The following TSGA10 variants were observed in gnomAD, a reference collection of about 807,000 sequenced individuals.
TSGA10 encodes testis specific 10.
Under a neutral mutation model 96.6 loss-of-function variants are expected in TSGA10, and 43 were observed. The observed-to-expected ratio is 0.44, with a 90% CI of 0.35 to 0.57. The LOEUF is 0.57. TSGA10 is among the 20% of genes least tolerant of loss of function. The pLI is 0.01. For missense variants in TSGA10, 703 were observed against 834.4 expected, an observed-to-expected ratio of 0.84 and a Z score of 1.94; for synonymous variants, 229 against 269.9, an observed-to-expected ratio of 0.85 and a Z score of 1.48.
intron 16 of TSGA10, among the ~76,000 whole-genome samples, chr2:99,052,984 C>A (rs1177410249): frequency 1.3e-5 from 2 of 151,814 alleles, no homozygotes; most frequent in African/African-American, 4.8e-5. Flanking sequence ...ATAGTTTGAG[C>A]CCGAGAGACA....
intron 17 of TSGA10, among the ~76,000 whole-genome samples, chr2:99,021,441 A>T (rs557873601): frequency 6.6e-6 from 1 of 152,332 alleles, no homozygotes; most frequent in African/African-American, 2.4e-5. Flanking sequence ...CTGATGAGAA[A>T]TATGAGCTAA....
intron 10 of TSGA10, among the ~76,000 whole-genome samples, chr2:99,088,344 C>T (rs1380422120): frequency 6.6e-6 from 1 of 152,114 alleles, no homozygotes; most frequent in Non-Finnish European, 1.5e-5. Flanking sequence ...TGTTGTTAAT[C>T]TCTTACTGCA....
intron 12 of TSGA10, among the ~76,000 whole-genome samples, chr2:99,075,130 T>G (rs2104545439): frequency 6.6e-6 from 1 of 152,290 alleles, no homozygotes; most frequent in East Asian, 1.9e-4. Context: ...CTTAGCCTAT[T>G]TTTCTCTTAA....
chr2:99,048,335 A>G (rs763810843), intron 16 of TSGA10, among the ~76,000 whole-genome samples: 2 of 152,216 alleles, frequency 1.3e-5, no homozygotes, highest in Non-Finnish European at 2.9e-5. Flanking sequence ...CCACAAGGCT[A>G]CAGTAACCAA....
chr2:99,056,248 C>A (rs1470921376), intron 16 of TSGA10, among the ~76,000 whole-genome samples: 1 of 151,668 alleles, frequency 6.6e-6, no homozygotes, highest in East Asian at 1.9e-4. Flanking sequence ...ACCAAGTAAC[C>A]AAGTTAGTTT....
intron 17 of TSGA10, among the ~76,000 whole-genome samples, chr2:99,026,737 T>C (rs1211187143): frequency 2.0e-5 from 3 of 152,176 alleles, no homozygotes; most frequent in African/African-American, 7.2e-5. Flanking sequence ...GCAGCTCTTT[T>C]AAATATGTTC....
At chr2:99,058,720 G>T (rs2084285032) in intron 16 of TSGA10, among the ~76,000 whole-genome samples, 1 of 152,056 alleles carries the variant, frequency 6.6e-6, no homozygotes, top group South Asian at 2.1e-4. Context: ...TAGCGAAACA[G>T]AAATTACCAA....
At chr2:99,032,629 T>C (rs991912465) in intron 17 of TSGA10, among the ~76,000 whole-genome samples, 4 of 152,220 alleles carry the variant, frequency 2.6e-5, no homozygotes, top group African/African-American at 9.6e-5. Flanking sequence ...GTGTCTCCAC[T>C]GAGAGCATCA....
chr2:99,097,875 A>G (rs1251463172), intron 10 of TSGA10, among the ~76,000 whole-genome samples: 2 of 152,230 alleles, frequency 1.3e-5, no homozygotes, highest in Non-Finnish European at 2.9e-5. Flanking sequence ...TTTCATGAAA[A>G]TGAATACTGA....
intron 7 of TSGA10, 126 bp downstream of exon 7, chr2:99,108,707 T>C (rs1163757075): frequency 1.6e-6 from 1 of 633,130 alleles, no homozygotes; most frequent in Non-Finnish European, 2.5e-6. Context: ...TAAAAACATA[T>C]GTAATCCCCA....
At chr2:99,084,485 C>A (rs2087997443) in intron 10 of TSGA10, among the ~76,000 whole-genome samples, 1 of 152,152 alleles carries the variant, frequency 6.6e-6, no homozygotes, top group South Asian at 2.1e-4. Context: ...ACTGGCTCCC[C>A]CTTTGCTTTC....
chr2:99,102,725 T>C (rs2090913039), intron 10 of TSGA10: 3 of 1,609,794 alleles, frequency 1.9e-6, no homozygotes, highest in Non-Finnish European at 2.5e-6. Context: ...CCAAAGACTT[T>C]GTAGAAGATG....
intron 1 of TSGA10, chr2:99,151,326 G>C (rs982118906): frequency 6.6e-5 from 10 of 152,580 alleles, no homozygotes; most frequent in African/African-American, 1.9e-4. Flanking sequence ...AGCCAGGCAT[G>C]GTGGTGGGCA....
chr2:99,039,029 C>T (rs759081821), intron 16 of TSGA10, among the ~76,000 whole-genome samples: 4 of 152,074 alleles, frequency 2.6e-5, no homozygotes, highest in Non-Finnish European at 1.5e-5. Flanking sequence ...ATAATCTGCT[C>T]TTGAATGATC....
intron 1 of TSGA10, 24 bp from the exon 2 acceptor site, chr2:99,127,200 T>C (rs1310050821): frequency 1.6e-6 from 2 of 1,257,708 alleles, no homozygotes; most frequent in Admixed American, 5.5e-5. Flanking sequence ...TGGGAAATAA[T>C]ACAGAGGCAT....
intron 10 of TSGA10, among the ~76,000 whole-genome samples, chr2:99,088,827 T>C (rs2088901326): frequency 1.3e-5 from 2 of 152,232 alleles, no homozygotes; most frequent in South Asian, 4.1e-4. Context: ...ATGTGGTTTA[T>C]CTATACTATG....
At chr2:99,050,634 G>A (rs756611532) in intron 16 of TSGA10, among the ~76,000 whole-genome samples, 3 of 152,106 alleles carry the variant, frequency 2.0e-5, no homozygotes, top group African/African-American at 7.2e-5. Flanking sequence ...TTAGATGCAT[G>A]TAGCAAACAC....
intron 12 of TSGA10, among the ~76,000 whole-genome samples, chr2:99,077,127 C>CCTT (rs2086801619): frequency 1.4e-5 from 1 of 70,432 alleles, no homozygotes; most frequent in African/African-American, 5.7e-5. Context: ...GACCATTCAC[C>CCTT]TTTTTTTTTT....
chr2:99,050,577 T>C (rs1413604812), intron 16 of TSGA10, among the ~76,000 whole-genome samples: 2 of 152,160 alleles, frequency 1.3e-5, no homozygotes, highest in African/African-American at 4.8e-5. Flanking sequence ...CAGTTCCATA[T>C]ATCATCAGAA....
Sources: gnomAD v4.1 joint callset for allele counts (sites outside exome capture counted in the v4.1 genomes callset) on GRCh38, gnomAD v4.1.1 for gene constraint, MANE v1.5 for transcripts, NCBI Gene and HGNC (gene_info 2026-07-23, HGNC 2026-07-21) for gene names.